Variants in ADGRL3 observed in about 807,000 individuals in gnomAD.
ADGRL3 encodes the protein adhesion G protein-coupled receptor L3, also known as calcium-independent alpha-latrotoxin receptor 3.
In ADGRL3, 62 loss-of-function variants were observed where a neutral mutation model predicts 153.5. That is an observed-to-expected ratio of 0.40 (90% confidence interval 0.33 to 0.50). The LOEUF is 0.50. ADGRL3 is among the 20% of genes least tolerant of loss of function. ADGRL3 has a pLI of 0.47. For synonymous variants in ADGRL3, 710 were observed against 672.5 expected (o/e 1.06, Z -0.86); for missense variants, 1,641 against 1,859.4 (o/e 0.88, Z 2.16).
chr4:61,592,073 CAAAAA>C (rs34116654), intron 5 of ADGRL3, among the ~76,000 whole-genome samples: 1 of 123,674 alleles, frequency 8.1e-6, no homozygotes, highest in Non-Finnish European at 1.7e-5. Flanking sequence ...GAAACTGCTT[CAAAAA>C]AAAAAAAAAA....
At chr4:61,299,644 C>T (rs1212831754) in intron 1 of ADGRL3, among the ~76,000 whole-genome samples, 2 of 152,126 alleles carry the variant, frequency 1.3e-5, no homozygotes, top group African/African-American at 2.4e-5. Flanking sequence ...AATTTAAATT[C>T]AGTTTTGGTT....
At chr4:61,875,691 C>T (rs936548051) in intron 9 of ADGRL3, among the ~76,000 whole-genome samples, 7 of 152,266 alleles carry the variant, frequency 4.6e-5, no homozygotes, top group Non-Finnish European at 1.0e-4. Flanking sequence ...TTTATGATTA[C>T]ATTGAATTTT....
chr4:61,517,788 C>A (rs2098506485), intron 4 of ADGRL3, among the ~76,000 whole-genome samples: 1 of 151,992 alleles, frequency 6.6e-6, no homozygotes, highest in African/African-American at 2.4e-5. Context: ...TGCATTATCA[C>A]AGGAAATTTA....
intron 4 of ADGRL3, among the ~76,000 whole-genome samples, chr4:61,540,215 A>T (rs897081751): frequency 6.6e-6 from 1 of 152,212 alleles, no homozygotes; most frequent in African/African-American, 2.4e-5. Context: ...TGAAATATTT[A>T]CCACTTTACC....
rs2098166066 is a variant in ADGRL3, at chr4:61,484,315, TGAG to T, written c.-173-12802_-173-12800del. 3.3e-5 allele frequency among the ~76,000 whole-genome samples: 5 copies of T among 152,294 alleles called. No individual in the cohort carries two copies. In the South Asian group the frequency reaches 1.0e-3, roughly 32 times the overall value. ...GACTACCAATTAAAACCCTAAAAGCTGAGGAGATGTTTTTGACTGCAAAGCAGT... is the reference window on the plus strand; with the variant it reads ...GACTACCAATTAAAACCCTAAAAGCTGAGATGTTTTTGACTGCAAAGCAGT... On this transcript the variant is annotated intron_variant, in intron 2 of 26. Transcript: ENST00000683033.
chr4:61,434,743 C>T (rs1298043068), intron 2 of ADGRL3, among the ~76,000 whole-genome samples: 1 of 151,874 alleles, frequency 6.6e-6, no homozygotes, highest in Admixed American at 6.6e-5. Flanking sequence ...TCAAAATTAA[C>T]CAAGTTTCTT....
At chr4:61,369,666 A>C (rs2096482198) in intron 1 of ADGRL3, among the ~76,000 whole-genome samples, 1 of 152,178 alleles carries the variant, frequency 6.6e-6, no homozygotes, top group African/African-American at 2.4e-5. Flanking sequence ...ATCAATGTTC[A>C]TCAAGGATAT....
At chr4:61,737,891 C>T (rs1038318720) in intron 8 of ADGRL3, among the ~76,000 whole-genome samples, 1 of 150,172 alleles carries the variant, frequency 6.7e-6, no homozygotes, top group Non-Finnish European at 1.5e-5. Flanking sequence ...TTATAAGGGT[C>T]TTTTTTTTTA....
intron 8 of ADGRL3, among the ~76,000 whole-genome samples, chr4:61,810,112 C>T (rs1024183038): frequency 7.2e-5 from 11 of 152,018 alleles, no homozygotes; most frequent in East Asian, 1.9e-4. Context: ...GTAAACCTAG[C>T]GTTATGGGGA....
chr4:61,738,642 G>A (rs111663874), intron 8 of ADGRL3, among the ~76,000 whole-genome samples: 8 of 151,932 alleles, frequency 5.3e-5, no homozygotes, highest in African/African-American at 1.9e-4. Flanking sequence ...ATTAATTCCA[G>A]TTCCTTACTT....
chr4:61,498,509 CACTG>C (rs1201964891), intron 3 of ADGRL3, among the ~76,000 whole-genome samples: 7 of 151,748 alleles, frequency 4.6e-5, no homozygotes, highest in African/African-American at 1.2e-4. Context: ...AAGATCGTGC[CACTG>C]CATTCCAGCC....
intron 1 of ADGRL3, among the ~76,000 whole-genome samples, chr4:61,254,811 A>C (rs2091802519): frequency 6.6e-6 from 1 of 152,102 alleles, no homozygotes; most frequent in Admixed American, 6.5e-5. Context: ...CTCGAAACTT[A>C]GTTTTATCAG....
chr4:61,357,877 G>A (rs2096207819), intron 1 of ADGRL3, among the ~76,000 whole-genome samples: 1 of 152,080 alleles, frequency 6.6e-6, no homozygotes. Context: ...ACCTACATAT[G>A]ATATATGAAG....
At chr4:61,577,986 G>T (rs902781468) in intron 4 of ADGRL3, among the ~76,000 whole-genome samples, 5 of 151,896 alleles carry the variant, frequency 3.3e-5, no homozygotes, top group Non-Finnish European at 5.9e-5. Context: ...TATGTTTTGT[G>T]CTGTTAAGAA....
chr4:61,368,991 A>AT (rs1289667925), intron 1 of ADGRL3, among the ~76,000 whole-genome samples: 1 of 152,160 alleles, frequency 6.6e-6, no homozygotes, highest in Non-Finnish European at 1.5e-5. Context: ...CTTTGAAGCA[A>AT]TTGTGAATGG....
chr4:61,733,089 A>G lies in ADGRL3; in HGVS notation c.934A>G (p.Ile312Val), dbSNP rs766177600. Reference sequence around the variant, plus strand: ...TAGGATAAAGAGTGGAGAGGCTATCATAGCAAATGCCAATTACCATGATAC... The same window carrying G: ...TAGGATAAAGAGTGGAGAGGCTATCGTAGCAAATGCCAATTACCATGATAC... ...RTRIKSGEAI[I>V]ANANYHDTSP... Residue 312 changes from isoleucine (I) to valine (V), a missense_variant, in exon 8 of 27, where the codon ATA becomes GTA. Around this residue, in one of 5 missense-constraint regions of ADGRL3, gnomAD observed 213 missense variants for 362.1 expected, o/e 0.59. Coordinates refer to ENST00000683033, the MANE Select transcript of ADGRL3 (RefSeq NM_001387552.1). 7.4e-6 allele frequency: 12 copies of G among 1,613,514 alleles called. No homozygotes were observed. The South Asian group carries it at 8.8e-5, about 12-fold the overall frequency.
intron 11 of ADGRL3, among the ~76,000 whole-genome samples, chr4:61,898,798 GTAGAGAT>G (rs1454810240): frequency 6.6e-6 from 1 of 151,988 alleles, no homozygotes; most frequent in East Asian, 1.9e-4. Context: ...TTGTATTTTA[GTAGAGAT>G]GAGGTTTCAC....
In ADGRL3 at chr4:61,247,920, T is replaced by C. The variant is rs540368126; in HGVS notation, c.-240+46155T>C. Reference sequence around the variant, plus strand: ...GTGATATGTTTCCTTGCTCGTAGAGTTAATAGCAAAGAAATGAACCACATG... The same window carrying C: ...GTGATATGTTTCCTTGCTCGTAGAGCTAATAGCAAAGAAATGAACCACATG... On this transcript the variant is annotated intron_variant, in intron 1 of 26. Transcript: ENST00000683033. Among the ~76,000 whole-genome samples the C allele has an allele frequency of 7.0e-4, 106 of 152,084 alleles. 1 individual carries two copies. The highest frequency in any genetic ancestry group is 2.4e-3 in the African/African-American group (101 of 41,504).
rs1275894138 is a variant in ADGRL3, at chr4:62,077,150, C to T, written c.*6242C>T. On this transcript the variant is annotated 3_prime_UTR_variant, in exon 27 of 27. Coordinates refer to ENST00000683033, the MANE Select transcript of ADGRL3 (RefSeq NM_001387552.1). ...GCATCTAAAAGTATTCCAAATGCGC[C>T]TTTCATTCTAGAATACTAAAGGAAA... is the stretch of plus-strand genomic sequence containing the variant. 1 of 151,838 alleles carries T rather than the reference C, an allele frequency of 6.6e-6. No individual in the cohort carries two copies. The highest frequency in any genetic ancestry group is 2.4e-5 in the African/African-American group (1 of 41,392). The allele number at this position is 151,838 out of a possible 1,614,324, so 9.4% of individuals were successfully genotyped here.
Sources: allele counts gnomAD v4.1 joint callset (sites outside exome capture counted in the v4.1 genomes callset), GRCh38; gene constraint gnomAD v4.1.1; regional missense constraint gnomAD v4.1.1; transcripts MANE v1.5; gene names NCBI Gene and HGNC (gene_info 2026-07-23, HGNC 2026-07-21).